KALRN: variants seen among roughly 807,000 people sequenced by gnomAD.
KALRN encodes kalirin RhoGEF kinase, also known as kalirin.
A neutral mutation model predicts 353.7 loss-of-function variants in KALRN; 70 were observed. That is an observed-to-expected ratio of 0.20 (90% CI 0.16 to 0.24). KALRN has a LOEUF of 0.24. Among genes scored for constraint, KALRN ranks in the 10% least tolerant of loss-of-function variants. The pLI is 1.00. For missense variants in KALRN, 2,791 were observed against 3,756.7 expected, an observed-to-expected ratio of 0.74 and a Z score of 6.72; for synonymous variants, 1,391 against 1,434.8, an observed-to-expected ratio of 0.97 and a Z score of 0.69.
At chr3:124,661,807 G>A (rs774942611) in intron 44 of KALRN, 44 bp from the exon 45 acceptor site, 112 of 1,464,626 alleles carry the variant, frequency 7.6e-5, no homozygotes, top group Non-Finnish European at 1.0e-4. Context: ...CTTCCTGCCT[G>A]AGTGCTGTTC....
chr3:124,448,400 G>A (rs2093909806), intron 21 of KALRN, among the ~76,000 whole-genome samples: 1 of 151,802 alleles, frequency 6.6e-6, no homozygotes, highest in South Asian at 2.1e-4. Flanking sequence ...ATGCCTTTAG[G>A]ATAATGCTCC....
chr3:124,192,393 T>C (rs2075017709), intron 1 of KALRN, among the ~76,000 whole-genome samples: 1 of 152,008 alleles, frequency 6.6e-6, no homozygotes, highest in African/African-American at 2.4e-5. Flanking sequence ...AGTAGGGGGT[T>C]GAAGGGAGCG....
intron 1 of KALRN, among the ~76,000 whole-genome samples, chr3:124,128,622 G>C (rs1034025260): frequency 6.6e-6 from 1 of 152,154 alleles, no homozygotes; most frequent in African/African-American, 2.4e-5. Context: ...ACAAGAAGTA[G>C]AGAAGTAGAA....
At chr3:124,040,333 T>C (rs9815963) in intron 1 of KALRN, among the ~76,000 whole-genome samples, 6,362 of 152,320 alleles carry the variant, frequency 0.042, 145 homozygotes, top group Middle Eastern at 0.071. Context: ...TATTTGATAG[T>C]TTACTGCTGG....
chr3:124,384,794 G>A, intron 10 of KALRN, 51 bp from the exon 11 acceptor site: 2 of 1,519,136 alleles, frequency 1.3e-6, no homozygotes, highest in Non-Finnish European at 1.8e-6. Context: ...AGGGTGGGCT[G>A]CTGGAAGGCG....
chr3:124,471,097 C>G (rs1244642870), intron 25 of KALRN, among the ~76,000 whole-genome samples: 1 of 151,974 alleles, frequency 6.6e-6, no homozygotes, highest in African/African-American at 2.4e-5. Context: ...GGAAGAGGGT[C>G]AGATACATGT....
At chr3:124,176,043 T>C (rs1395624708) in intron 1 of KALRN, among the ~76,000 whole-genome samples, 3 of 152,258 alleles carry the variant, frequency 2.0e-5, no homozygotes. Flanking sequence ...TATAACCTCT[T>C]GTCTGCATCT....
At chr3:124,132,132 G>C (rs1003278769) in intron 1 of KALRN, among the ~76,000 whole-genome samples, 2 of 152,114 alleles carry the variant, frequency 1.3e-5, no homozygotes, top group East Asian at 1.9e-4. Context: ...CATTATTCTG[G>C]AATATTGATT....
At chr3:124,681,012 G>A (rs1157591452) in intron 51 of KALRN, among the ~76,000 whole-genome samples, 1 of 152,110 alleles carries the variant, frequency 6.6e-6, no homozygotes, top group Non-Finnish European at 1.5e-5. Flanking sequence ...CCTAAGTATT[G>A]CCAGCATGTA....
intron 33 of KALRN, among the ~76,000 whole-genome samples, chr3:124,504,190 A>AG (rs1170873531): frequency 6.6e-6 from 1 of 152,184 alleles, no homozygotes; most frequent in Non-Finnish European, 1.5e-5. Context: ...GATAGCTGCA[A>AG]GGGTAACCAG....
intron 34 of KALRN, among the ~76,000 whole-genome samples, chr3:124,568,083 A>T (rs1433397128): frequency 6.6e-6 from 1 of 152,200 alleles, no homozygotes; most frequent in Non-Finnish European, 1.5e-5. Context: ...AGCTTAGGAG[A>T]TACTTAAAGA....
At chr3:124,144,205 C>A (rs140195244) in intron 1 of KALRN, among the ~76,000 whole-genome samples, 91 of 152,152 alleles carry the variant, frequency 6.0e-4, no homozygotes, top group African/African-American at 2.0e-3. Context: ...GATCCTGGAA[C>A]TAGAGGTTGG....
chr3:124,666,373 A>G lies in KALRN; in HGVS notation c.6346-76A>G, dbSNP rs1445566674. The stretch of plus-strand genomic sequence containing the variant: ...CTGTTGCCCGTATCCCCAGATGGGG[A>G]GGTTCTGTGGACCCAGAGGGCAGTG... On this transcript the variant is annotated intron_variant, in intron 45 of 59. Transcript: ENST00000682506. 5 of 1,344,752 alleles carry G rather than the reference A, an allele frequency of 3.7e-6. No individual in the cohort carries two copies. The African/African-American group carries it at 5.7e-5, about 15-fold the overall frequency. 83.3% of individuals were successfully genotyped at this position (1,344,752 alleles called of 1,614,324 possible).
chr3:124,442,030 A>G lies in KALRN; in HGVS notation c.3284A>G (p.His1095Arg). Residue 1095 changes from histidine to arginine, a missense_variant, in exon 19 of 60, where the codon CAC (histidine) becomes CGC (arginine). By Grantham distance (29) the His-to-Arg change is conservative (BLOSUM62 0). Coordinates refer to ENST00000682506, the MANE Select transcript of KALRN (RefSeq NM_001388419.1). ...GTCAGCATGCCCAGTGTCGCCAGCC[A>G]CACTCGGGGACCCGAGCAACAAGTG... is the stretch of plus-strand genomic sequence containing the variant. Reference protein sequence around the residue: ...NNVSMPSVASHTRGPEQQVKA... With the variant: ...NNVSMPSVASRTRGPEQQVKA... The G allele has an allele frequency of 6.2e-7, 1 of 1,605,888 alleles. No individual in the cohort carries two copies. Among genetic ancestry groups the G allele is most frequent in the Non-Finnish European group, 8.5e-7 (1 of 1,174,154 alleles).
At chr3:124,662,028 C>CCT in intron 45 of KALRN, 100 bp downstream of exon 45, 1 of 914,754 alleles carries the variant, frequency 1.1e-6, no homozygotes, top group Non-Finnish European at 1.8e-6. Flanking sequence ...CCTGCCTGTG[C>CCT]CTCCTTCACT....
chr3:124,179,496 G>A (rs1211889975), intron 1 of KALRN, among the ~76,000 whole-genome samples: 1 of 152,178 alleles, frequency 6.6e-6, no homozygotes, highest in Non-Finnish European at 1.5e-5. Context: ...CTGTTTTACA[G>A]TTAACTTTTT....
intron 37 of KALRN, among the ~76,000 whole-genome samples, chr3:124,641,707 G>A (rs1407632095): frequency 6.6e-6 from 1 of 152,196 alleles, no homozygotes; most frequent in Non-Finnish European, 1.5e-5. Context: ...TAGCCACCTC[G>A]ACTGCCTTGT....
intron 47 of KALRN, among the ~76,000 whole-genome samples, chr3:124,669,870 T>G (rs958697722): frequency 1.3e-5 from 2 of 152,188 alleles, no homozygotes; most frequent in Non-Finnish European, 2.9e-5. Context: ...TGTAAATGAT[T>G]GTTATACTAT....
chr3:124,120,529 G>A (rs972262958), intron 1 of KALRN, among the ~76,000 whole-genome samples: 5 of 151,810 alleles, frequency 3.3e-5, no homozygotes, highest in African/African-American at 7.3e-5. Context: ...TCTAGAGTGC[G>A]ATTAATGGTA....
Sources: allele counts gnomAD v4.1 joint callset (sites outside exome capture counted in the v4.1 genomes callset), GRCh38; gene constraint gnomAD v4.1.1; transcripts MANE v1.5; gene names NCBI Gene and HGNC (gene_info 2026-07-23, HGNC 2026-07-21).